Variants in DCAF6 observed in about 807,000 individuals in gnomAD.
The protein encoded by DCAF6 is DDB1- and CUL4-associated factor 6.
Under a neutral mutation model 125.1 loss-of-function variants are expected in DCAF6, and 54 were observed. The observed-to-expected ratio is 0.43, with a 90% CI of 0.35 to 0.54. DCAF6 has a LOEUF of 0.54. Among genes scored for constraint, DCAF6 ranks in the 20% least tolerant of loss-of-function variants. The probability of loss-of-function intolerance (pLI) is 0.01; values close to 1 mark genes in which losing one functional copy is unlikely to be tolerated. For missense variants in DCAF6, 934 were observed against 1,161.7 expected (o/e 0.80, Z 2.85); for synonymous variants, 371 against 390.4 (o/e 0.95, Z 0.58).
chr1:168,013,856 C>T (rs1684615232), intron 10 of DCAF6, among the ~76,000 whole-genome samples: 1 of 152,076 alleles, frequency 6.6e-6, no homozygotes, highest in Non-Finnish European at 1.5e-5. Flanking sequence ...AGTGATCCTC[C>T]TACCTCAGCC....
the DCAF6 span, among the ~76,000 whole-genome samples, chr1:167,884,692 TAA>T: frequency 7.4e-3 from 1,060 of 142,730 alleles, 10 homozygotes; most frequent in African/African-American, 0.027. Flanking sequence ...TCAATCATTT[TAA>T]TTTTTTTTTT....
At chr1:167,870,473 A>C in the DCAF6 span, 1 of 1,401,666 alleles carries the variant, frequency 7.1e-7, no homozygotes, top group Non-Finnish European at 9.9e-7. Context: ...AGAGATATAA[A>C]AAGTCACATA....
intron 3 of DCAF6, among the ~76,000 whole-genome samples, chr1:167,970,607 C>T (rs546144432): frequency 1.3e-5 from 2 of 151,524 alleles, no homozygotes; most frequent in East Asian, 3.9e-4. Flanking sequence ...GTCTGGATGA[C>T]AGCAAGAGCT....
intron 11 of DCAF6, among the ~76,000 whole-genome samples, chr1:168,017,958 A>T (rs1685195914): frequency 6.6e-6 from 1 of 152,186 alleles, no homozygotes; most frequent in South Asian, 2.1e-4. Flanking sequence ...TAGCTATAAG[A>T]TGTTCAAAGG....
the DCAF6 span, among the ~76,000 whole-genome samples, chr1:167,899,833 C>T: frequency 6.6e-6 from 1 of 152,174 alleles, no homozygotes; most frequent in Non-Finnish European, 1.5e-5. Context: ...CTAGAAAGTT[C>T]TACCACTAAA....
At chr1:167,915,824 T>C in the DCAF6 span, among the ~76,000 whole-genome samples, 2 of 152,218 alleles carry the variant, frequency 1.3e-5, no homozygotes, top group African/African-American at 2.4e-5. Context: ...TCTCAATCTT[T>C]AGAACAATCC....
chr1:167,936,488 G>A (rs1671227538), upstream of DCAF6: 1 of 210,006 alleles, frequency 4.8e-6, no homozygotes, highest in South Asian at 6.7e-5. Flanking sequence ...TGGTTAGAGT[G>A]GCCCGAATGC....
At chr1:167,934,847 T>C (rs886276546), upstream of DCAF6, among the ~76,000 whole-genome samples, 1 of 152,128 alleles carries the variant, frequency 6.6e-6, no homozygotes, top group Non-Finnish European at 1.5e-5. Flanking sequence ...CCCTAGCAAA[T>C]AAGTATTATT....
intron 10 of DCAF6, among the ~76,000 whole-genome samples, chr1:168,006,873 G>A (rs78896011): frequency 0.013 from 1,980 of 152,156 alleles, 23 homozygotes; most frequent in South Asian, 0.024. Flanking sequence ...AATTTGCTAC[G>A]CTCCATCTCT....
intron 7 of DCAF6, among the ~76,000 whole-genome samples, chr1:167,995,400 C>T (rs1175646857): frequency 1.3e-5 from 2 of 152,114 alleles, no homozygotes; most frequent in Non-Finnish European, 2.9e-5. Flanking sequence ...TGCTTGTTGG[C>T]CGGGCGTAGT....
rs112481290 is a variant in DCAF6, at chr1:168,054,822, T to G, written c.2300+3889T>G. 9.4e-3 allele frequency among the ~76,000 whole-genome samples: 1,396 copies of G among 147,826 alleles called. 17 individuals are homozygous for G. Among genetic ancestry groups the G allele is most frequent in the African/African-American group, 0.031 (1,210 of 38,666 alleles). ...ATTAAAAGAACATACGGGTTTGGTT[T>G]TTTTTTTTTTTTGAGACGGAGTCTC... On this transcript the variant is annotated intron_variant, in intron 17 of 21. Transcript: ENST00000367840.
the DCAF6 span, chr1:167,878,567 A>G: frequency 6.2e-7 from 1 of 1,614,214 alleles, no homozygotes; most frequent in East Asian, 2.2e-5. Context: ...TAGGTGACAG[A>G]GTCGCAGGTC....
chr1:167,932,823 A>AAAAGAAAAG (rs1553201575), upstream of DCAF6, among the ~76,000 whole-genome samples: 3 of 150,770 alleles, frequency 2.0e-5, no homozygotes, highest in African/African-American at 7.4e-5. Context: ...AAAAAAAAAA[A>AAAAGAAAAG]AAAAGAAAAG....
At chr1:167,936,275 A>C, upstream of DCAF6, 1 of 207,582 alleles carries the variant, frequency 4.8e-6, no homozygotes, top group South Asian at 7.1e-5. Flanking sequence ...TGGAGAAGGG[A>C]AAGTGAAGCT....
At chr1:167,927,820 T>C in the DCAF6 span, among the ~76,000 whole-genome samples, 5 of 152,342 alleles carry the variant, frequency 3.3e-5, no homozygotes, top group East Asian at 1.9e-4. Flanking sequence ...CATCAAATTA[T>C]GGTTGCTAGA....
the DCAF6 span, chr1:167,874,982 A>G: frequency 1.1e-5 from 8 of 748,064 alleles, no homozygotes; most frequent in Non-Finnish European, 1.9e-5. Flanking sequence ...ATCCTGGTGT[A>G]TTGCTATTTT....
chr1:168,018,438 T>C (rs1685256474), intron 11 of DCAF6, among the ~76,000 whole-genome samples: 1 of 152,146 alleles, frequency 6.6e-6, no homozygotes, highest in South Asian at 2.1e-4. Flanking sequence ...AGAAAGTATA[T>C]AAAAGTAGCA....
intron 5 of DCAF6, among the ~76,000 whole-genome samples, chr1:167,988,503 A>G (rs1396936267): frequency 2.0e-5 from 3 of 152,138 alleles, no homozygotes; most frequent in Admixed American, 1.3e-4. Context: ...GGCCTGAGAA[A>G]TCATTCAGTC....
the DCAF6 span, among the ~76,000 whole-genome samples, chr1:167,882,088 G>T: frequency 6.6e-6 from 1 of 152,182 alleles, no homozygotes; most frequent in Non-Finnish European, 1.5e-5. Flanking sequence ...GTAATTAAGT[G>T]CTCTGCTTTT....
Sources: gnomAD v4.1 joint callset for allele counts (sites outside exome capture counted in the v4.1 genomes callset) on GRCh38, gnomAD v4.1.1 for gene constraint, MANE v1.5 for transcripts, NCBI Gene and HGNC (gene_info 2026-07-23, HGNC 2026-07-21) for gene names.